The following ABHD6 variants were observed in gnomAD, a reference collection of about 807,000 sequenced individuals.
The protein encoded by ABHD6 is abhydrolase domain containing 6, acylglycerol lipase, also known as monoacylglycerol lipase ABHD6.
ABHD6 carries 33 observed loss-of-function variants against 38.8 expected under a neutral mutation model. The observed-to-expected ratio is 0.85, with a 90% confidence interval of 0.64 to 1.14. The LOEUF (loss-of-function observed/expected upper bound fraction) is 1.14. Ranked by LOEUF, ABHD6 falls within the 50% of genes most tolerant of loss-of-function variation. ABHD6 has a pLI of 0.00. For missense variants in ABHD6, 380 were observed against 422.6 expected, an observed-to-expected ratio of 0.90 and a Z score of 0.88; for synonymous variants, 147 against 161.6, an observed-to-expected ratio of 0.91 and a Z score of 0.69.
chr3:58,291,865 A>C (rs573157169), intron 9 of ABHD6, among the ~76,000 whole-genome samples: 1 of 152,124 alleles, frequency 6.6e-6, no homozygotes, highest in Non-Finnish European at 1.5e-5. Flanking sequence ...TGGGAGGATC[A>C]CTTGAGCCCG....
At chr3:58,270,723 T>C (rs919811121) in intron 5 of ABHD6, among the ~76,000 whole-genome samples, 4 of 152,184 alleles carry the variant, frequency 2.6e-5, no homozygotes, top group Non-Finnish European at 4.4e-5. Flanking sequence ...TTTATATTTA[T>C]AAATGACCTC....
intron 6 of ABHD6, among the ~76,000 whole-genome samples, chr3:58,271,722 G>T: frequency 7.1e-6 from 1 of 141,352 alleles, no homozygotes; most frequent in Admixed American, 7.2e-5. Context: ...ATATATAATA[G>T]ATAAAAATCA....
intron 3 of ABHD6, among the ~76,000 whole-genome samples, chr3:58,262,668 C>A (rs2097437846): frequency 6.6e-6 from 1 of 152,170 alleles, no homozygotes; most frequent in Non-Finnish European, 1.5e-5. Flanking sequence ...ATCATTAAAC[C>A]AAAGAAGATT....
rs373244138 is a variant in ABHD6 at position 58,267,460 on chromosome 3, T to G, written c.276+115T>G. On this transcript the variant is annotated intron_variant, in intron 4 of 9. Coordinates refer to ENST00000478253, the MANE Select transcript of ABHD6 (RefSeq NM_001320126.2). This position sits in a 1 kb window ranked among gnomAD's most constrained non-coding sequence, Gnocchi z 4.3. ...CAGGAGGATTGCTTGAGTCCAGGAG[T>G]TCAAAACCAGCCTGGACAACATAAA... 2.2e-6 allele frequency: 3 copies of G among 1,333,496 alleles called. No individual in the cohort carries two copies. The highest frequency in any genetic ancestry group is 5.0e-5 in the East Asian group (2 of 40,304). 82.6% of individuals were successfully genotyped at this position (1,333,496 alleles called of 1,614,324 possible).
rs556978204 is a variant in ABHD6 at position 58,293,863 on chromosome 3, C to T, written c.*98C>T. The stretch of plus-strand genomic sequence containing the variant: ...TCAGGGATCCTGCCCCAAATGCGGT[C>T]GGAGCGCCAGTGACCCTGAGGAAGC... On this transcript the variant is annotated 3_prime_UTR_variant, in exon 10 of 10. Transcript: ENST00000478253. This position sits in a 1 kb window ranked among gnomAD's most constrained non-coding sequence, Gnocchi z 4.4. 29 of 1,420,714 alleles carry T rather than the reference C, an allele frequency of 2.0e-5. No homozygotes were observed. In the Admixed American group the frequency reaches 2.5e-4, roughly 12 times the overall value. 88.0% of individuals were successfully genotyped at this position (1,420,714 alleles called of 1,614,324 possible).
Position 58,285,460 on chromosome 3 carries a change from A to C in ABHD6, c.837+7A>C, listed in dbSNP as rs760122722. 7 of 1,610,726 alleles carry C rather than the reference A, an allele frequency of 4.3e-6. No homozygotes were observed. Among genetic ancestry groups the C allele is most frequent in the Middle Eastern group, 1.7e-4 (1 of 6,054 alleles). On this transcript the variant is annotated splice_region_variant and intron_variant, in intron 9 of 9. Transcript: ENST00000478253. This position sits in a 1 kb window ranked among gnomAD's most constrained non-coding sequence, Gnocchi z 4.9. ...CTGGGGGAAACAAGACCAGGTATGT[A>C]ACACATCCCCGCGGCAGTCTGTGCT...
chr3:58,277,893 T>C (rs1284651474), intron 7 of ABHD6, among the ~76,000 whole-genome samples: 1 of 152,230 alleles, frequency 6.6e-6, no homozygotes, highest in Non-Finnish European at 1.5e-5. Flanking sequence ...ATTCGTTCTA[T>C]TTATGTGATG....
chr3:58,289,173 G>C (rs2097459634), intron 9 of ABHD6, among the ~76,000 whole-genome samples: 1 of 152,150 alleles, frequency 6.6e-6, no homozygotes, highest in Non-Finnish European at 1.5e-5. Context: ...TCCCACCTCA[G>C]CCTCCCAGGC....
chr3:58,267,590 G>T lies in ABHD6; in HGVS notation c.276+245G>T, dbSNP rs1225425870. On this transcript the variant is annotated intron_variant, in intron 4 of 9. Transcript: ENST00000478253. The surrounding 1 kb of genome is among the most constrained non-coding windows in gnomAD (Gnocchi z 4.3). ...TGAGGTGGGAAGATTGCTTGAGCCT[G>T]GGGGGTCAAGTCTTCAGTGAGCAAT... 6.6e-6 allele frequency among the ~76,000 whole-genome samples: 1 copy of T among 151,952 alleles called. No homozygotes were observed. Among genetic ancestry groups the T allele is most frequent in the African/African-American group, 2.4e-5 (1 of 41,366 alleles).
At chr3:58,254,032 G>A (rs2097431631) in intron 2 of ABHD6, among the ~76,000 whole-genome samples, 1 of 152,196 alleles carries the variant, frequency 6.6e-6, no homozygotes, top group African/African-American at 2.4e-5. Context: ...GATGTTGAAT[G>A]TAGATACCTA....
At position 58,285,843 on chromosome 3, in the gene ABHD6, C is replaced by CT. The variant is rs1398524178; in HGVS notation, c.837+397dup. Among the ~76,000 whole-genome samples the CT allele has an allele frequency of 4.6e-5, 7 of 151,844 alleles. No homozygotes were observed. The highest frequency in any genetic ancestry group is 9.7e-5 in the African/African-American group (4 of 41,328). On this transcript the variant is annotated intron_variant, in intron 9 of 9. Coordinates refer to ENST00000478253, the MANE Select transcript of ABHD6 (RefSeq NM_001320126.2). This position sits in a 1 kb window ranked among gnomAD's most constrained non-coding sequence, Gnocchi z 4.9. ...TTACTATCTTGAATATATTTCTTTT[C>CT]TTTTTTTCGTTTGAGACGGAGTCTT...
In ABHD6 at chr3:58,269,029, C is replaced by T. The variant is rs972239534; in HGVS notation, c.277-292C>T. ...GAAAGGAGGAGGCAGTACATGTCAA[C>T]TAGTGTGAAGAAAAAGCAAGAGACT... is the stretch of plus-strand genomic sequence containing the variant. On this transcript the variant is annotated intron_variant, in intron 4 of 9. Coordinates refer to ENST00000478253, the MANE Select transcript of ABHD6 (RefSeq NM_001320126.2). This position sits in a 1 kb window ranked among gnomAD's most constrained non-coding sequence, Gnocchi z 4.4. Among the ~76,000 whole-genome samples the T allele has an allele frequency of 1.3e-5, 2 of 152,178 alleles. No homozygotes were observed. Among genetic ancestry groups the T allele is most frequent in the Admixed American group, 6.5e-5 (1 of 15,282 alleles).
At position 58,269,435 on chromosome 3, in the gene ABHD6, G is replaced by C; in HGVS notation, c.390+1G>C. On this transcript the variant is annotated splice_donor_variant, in intron 5 of 9. Transcript: ENST00000478253. LOFTEE classifies it high-confidence loss of function. This position sits in a 1 kb window ranked among gnomAD's most constrained non-coding sequence, Gnocchi z 4.4. The stretch of plus-strand genomic sequence containing the variant: ...TGGGCAAGTTAAGAGGATACACCAG[G>C]TAAGCAGGAGGCTCTACCAAAGATT... 1 of 1,609,604 alleles carries C rather than the reference G, an allele frequency of 6.2e-7. No homozygotes were observed. Among genetic ancestry groups the C allele is most frequent in the Non-Finnish European group, 8.5e-7 (1 of 1,176,254 alleles).
intron 6 of ABHD6, among the ~76,000 whole-genome samples, chr3:58,271,628 T>G (rs1399762550): frequency 6.6e-6 from 1 of 152,070 alleles, no homozygotes; most frequent in Non-Finnish European, 1.5e-5. Context: ...CAACGTGAAG[T>G]GTAACATGTT....
intron 7 of ABHD6, among the ~76,000 whole-genome samples, chr3:58,282,219 C>G (rs2097453816): frequency 1.3e-5 from 2 of 152,002 alleles, no homozygotes; most frequent in Non-Finnish European, 2.9e-5. Flanking sequence ...GGAAAGGAGC[C>G]AGGAGTTTTT....
In ABHD6 at chr3:58,274,546, A is replaced by C; in HGVS notation, c.524-112A>C. 4.3e-6 allele frequency: 5 copies of C among 1,174,774 alleles called. No individual in the cohort carries two copies. The South Asian group carries it at 8.0e-5, about 19-fold the overall frequency. The allele number at this position is 1,174,774 out of a possible 1,614,324, so 72.8% of individuals were successfully genotyped here. On this transcript the variant is annotated intron_variant, in intron 6 of 9. Transcript: ENST00000478253. ...CCAACAAAAAAGAAATCTACTCATGAAATAAACCTGAAATATATTAACTCT... is the reference window on the plus strand; with the variant it reads ...CCAACAAAAAAGAAATCTACTCATGCAATAAACCTGAAATATATTAACTCT...
chr3:58,287,095 A>T lies in ABHD6; in HGVS notation c.837+1642A>T, dbSNP rs1357351304. Among the ~76,000 whole-genome samples, 1 of 151,022 alleles carries T rather than the reference A, an allele frequency of 6.6e-6. No homozygotes were observed. Among genetic ancestry groups the T allele is most frequent in the Non-Finnish European group, 1.5e-5 (1 of 67,802 alleles). Reference sequence around the variant, plus strand: ...AGTTTGAGACCAACCTGGGCAGCATAGTGAGATCCCATCTCTATAAAAAAT... The same window carrying T: ...AGTTTGAGACCAACCTGGGCAGCATTGTGAGATCCCATCTCTATAAAAAAT... On this transcript the variant is annotated intron_variant, in intron 9 of 9. Transcript: ENST00000478253. This position sits in a 1 kb window ranked among gnomAD's most constrained non-coding sequence, Gnocchi z 4.7.
intron 9 of ABHD6, among the ~76,000 whole-genome samples, chr3:58,290,102 C>T (rs2097460859): frequency 1.6e-5 from 2 of 121,662 alleles, no homozygotes; most frequent in Non-Finnish European, 3.4e-5. Flanking sequence ...TCCTCACTTC[C>T]CAGTAGGGGC....
At chr3:58,254,286 G>A (rs2097431771) in intron 2 of ABHD6, among the ~76,000 whole-genome samples, 1 of 152,154 alleles carries the variant, frequency 6.6e-6, no homozygotes, top group Non-Finnish European at 1.5e-5. Context: ...ATCAAGGGTT[G>A]GCAAATTACA....
Sources: allele counts gnomAD v4.1 joint callset (sites outside exome capture counted in the v4.1 genomes callset), GRCh38; gene constraint gnomAD v4.1.1; non-coding constraint Gnocchi (gnomAD v3.1); transcripts MANE v1.5; gene names NCBI Gene and HGNC (gene_info 2026-07-23, HGNC 2026-07-21).